DCC: variants seen among roughly 807,000 people sequenced by gnomAD.
The protein encoded by DCC is netrin receptor DCC.
Under a neutral mutation model 172.5 loss-of-function variants are expected in DCC, and 58 were observed. The observed-to-expected ratio is 0.34, with a 90% CI of 0.27 to 0.42. The LOEUF (loss-of-function observed/expected upper bound fraction) is 0.42, where lower values mean the gene tolerates loss of function less well. Ranked by LOEUF, DCC falls within the 10% of genes least tolerant of loss-of-function variation. The probability of loss-of-function intolerance (pLI) is 1.00; values close to 1 mark genes in which losing one functional copy is unlikely to be tolerated. For synonymous variants in DCC, 709 were observed against 644.5 expected (o/e 1.10, Z -1.52); for missense variants, 1,740 against 1,791.0 (o/e 0.97, Z 0.51).
At chr18:52,888,431 C>G (rs2039599691) in intron 2 of DCC, among the ~76,000 whole-genome samples, 1 of 152,096 alleles carries the variant, frequency 6.6e-6, no homozygotes, top group Admixed American at 6.6e-5. Context: ...AAGGCATCTT[C>G]TCTGATGAGT....
chr18:52,828,824 C>A (rs1169109105), intron 2 of DCC, among the ~76,000 whole-genome samples: 1 of 152,124 alleles, frequency 6.6e-6, no homozygotes, highest in Non-Finnish European at 1.5e-5. Flanking sequence ...AGAAGACATC[C>A]TCAAGTGAGA....
chr18:53,520,934 G>A (rs1457961979), intron 27 of DCC, among the ~76,000 whole-genome samples: 1 of 151,998 alleles, frequency 6.6e-6, no homozygotes, highest in Non-Finnish European at 1.5e-5. Flanking sequence ...GTCAAATCCT[G>A]CTGACAATGA....
intron 1 of DCC, among the ~76,000 whole-genome samples, chr18:52,729,152 A>G (rs9959518): frequency 0.019 from 2,865 of 152,262 alleles, 84 homozygotes; most frequent in African/African-American, 0.065. Context: ...TGAATTTAGT[A>G]TTCTGTTTTA....
At chr18:52,547,692 C>T (rs1166613373) in intron 1 of DCC, among the ~76,000 whole-genome samples, 3 of 151,940 alleles carry the variant, frequency 2.0e-5, no homozygotes, top group Admixed American at 6.6e-5. Context: ...ACTGGGATTT[C>T]GTTACACAAA....
chr18:53,193,495 A>T (rs1427357544), intron 9 of DCC, among the ~76,000 whole-genome samples: 1 of 151,888 alleles, frequency 6.6e-6, no homozygotes, highest in Non-Finnish European at 1.5e-5. Context: ...ATTTTTTTTT[A>T]AATAAGGAAA....
intron 5 of DCC, among the ~76,000 whole-genome samples, chr18:53,001,406 C>T (rs1300939259): frequency 2.6e-5 from 4 of 152,012 alleles, no homozygotes; most frequent in Admixed American, 1.3e-4. Context: ...TTAGCATTAC[C>T]GATTATTATT....
chr18:52,800,628 A>G (rs1230310528), intron 2 of DCC, among the ~76,000 whole-genome samples: 2 of 151,874 alleles, frequency 1.3e-5, no homozygotes, highest in East Asian at 3.9e-4. Context: ...CATTTTCAAC[A>G]CCAAACAGAT....
intron 2 of DCC, among the ~76,000 whole-genome samples, chr18:52,775,024 C>T (rs577943396): frequency 1.3e-5 from 2 of 152,198 alleles, no homozygotes; most frequent in African/African-American, 4.8e-5. Context: ...TTTTAAAGCC[C>T]GGTGAAGGGA....
chr18:53,020,036 G>T (rs1052396373), intron 5 of DCC, among the ~76,000 whole-genome samples: 1 of 152,158 alleles, frequency 6.6e-6, no homozygotes, highest in African/African-American at 2.4e-5. Flanking sequence ...AATGGGAAAT[G>T]ATGGACACTG....
intron 9 of DCC, among the ~76,000 whole-genome samples, chr18:53,192,040 A>C (rs2055373552): frequency 6.6e-6 from 1 of 152,222 alleles, no homozygotes; most frequent in African/African-American, 2.4e-5. Context: ...TAAACTTCTT[A>C]TCTTTTGAAT....
chr18:52,671,073 C>G (rs2035543438), intron 1 of DCC, among the ~76,000 whole-genome samples: 1 of 152,142 alleles, frequency 6.6e-6, no homozygotes, highest in African/African-American at 2.4e-5. Flanking sequence ...CATAACCGAG[C>G]TTATATTTAT....
At chr18:53,127,790 G>A (rs942692457) in intron 7 of DCC, among the ~76,000 whole-genome samples, 40 of 152,110 alleles carry the variant, frequency 2.6e-4, no homozygotes, top group Admixed American at 2.2e-3. Context: ...TGAAAACACT[G>A]TCACTGCTTT....
At chr18:52,413,340 T>G (rs9957460) in intron 1 of DCC, among the ~76,000 whole-genome samples, 4,395 of 151,520 alleles carry the variant, frequency 0.029, 190 homozygotes, top group African/African-American at 0.099. Flanking sequence ...AAACTGAATC[T>G]TTTTCTGTAG....
chr18:52,875,296 TA>T (rs1258513319), intron 2 of DCC, among the ~76,000 whole-genome samples: 1 of 152,076 alleles, frequency 6.6e-6, no homozygotes. Context: ...AAATTCCTCC[TA>T]AAAGATAATT....
chr18:52,906,447 T>G lies in DCC; in HGVS notation c.697+119T>G, dbSNP rs1248546904. On this transcript the variant is annotated intron_variant, in intron 3 of 28. Transcript: ENST00000442544. ...AAGTTCTGTATTGTTCATTGCGTTTTGTTTATTATTTCTTTCTTCCTTGCC... is the reference window on the plus strand; with the variant it reads ...AAGTTCTGTATTGTTCATTGCGTTTGGTTTATTATTTCTTTCTTCCTTGCC... 7 of 1,075,670 alleles carry G rather than the reference T, an allele frequency of 6.5e-6. No individual in the cohort carries two copies. The East Asian group carries it at 1.5e-4, about 24-fold the overall frequency. 66.6% of individuals were successfully genotyped at this position (1,075,670 alleles called of 1,614,324 possible). A position where few individuals can be genotyped will look rare whatever the true frequency, so the allele number is the denominator to read the frequency against.
At chr18:52,945,051 A>T (rs1445258623) in intron 5 of DCC, among the ~76,000 whole-genome samples, 1 of 152,216 alleles carries the variant, frequency 6.6e-6, no homozygotes, top group Non-Finnish European at 1.5e-5. Flanking sequence ...AATATGGGAT[A>T]AATATCATGT....
At position 52,803,156 on chromosome 18, in the gene DCC, T is replaced by A. The variant is rs538329538; in HGVS notation, c.412+50782T>A. On this transcript the variant is annotated intron_variant, in intron 2 of 28. Coordinates refer to ENST00000442544, the MANE Select transcript of DCC (RefSeq NM_005215.4). Reference sequence around the variant, plus strand: ...CTGCCTCTTGGGAACACTTTGAACATCACTAGTGGCACTTCGTATGGGTCC... The same window carrying A: ...CTGCCTCTTGGGAACACTTTGAACAACACTAGTGGCACTTCGTATGGGTCC... Among the ~76,000 whole-genome samples the A allele has an allele frequency of 9.8e-5, 15 of 152,306 alleles. No individual in the cohort carries two copies. In the South Asian group the frequency reaches 3.1e-3, roughly 32 times the overall value.
intron 25 of DCC, among the ~76,000 whole-genome samples, chr18:53,484,792 A>C (rs543412135): frequency 6.6e-6 from 1 of 152,040 alleles, no homozygotes; most frequent in Non-Finnish European, 1.5e-5. Flanking sequence ...TTTCATAGAA[A>C]TTTTAAGATT....
At chr18:52,669,780 G>T (rs1379136262) in intron 1 of DCC, among the ~76,000 whole-genome samples, 9 of 152,162 alleles carry the variant, frequency 5.9e-5, no homozygotes, top group Non-Finnish European at 1.3e-4. Context: ...TACTGTTCTA[G>T]TCCAGGACAA....
Sources: gnomAD v4.1 joint callset for allele counts (sites outside exome capture counted in the v4.1 genomes callset) on GRCh38, gnomAD v4.1.1 for gene constraint, MANE v1.5 for transcripts, NCBI Gene and HGNC (gene_info 2026-07-23, HGNC 2026-07-21) for gene names.